The following HORMAD2 variants were observed in gnomAD, a reference collection of about 807,000 sequenced individuals.
The protein encoded by HORMAD2 is HORMA domain containing 2.
A neutral mutation model predicts 38.8 loss-of-function variants in HORMAD2; 45 were observed. That is an observed-to-expected ratio of 1.16 (90% CI 0.91 to 1.49). The LOEUF (loss-of-function observed/expected upper bound fraction) is 1.49. Ranked by LOEUF, HORMAD2 falls within the 40% of genes most tolerant of loss-of-function variation. The pLI, the probability that HORMAD2 is intolerant of heterozygous loss-of-function variation, is 0.00. For missense variants in HORMAD2, 338 were observed against 367.0 expected (o/e 0.92, Z 0.65); for synonymous variants, 126 against 122.8 (o/e 1.03, Z -0.17).
intron 1 of HORMAD2, among the ~76,000 whole-genome samples, chr22:30,091,128 T>G (rs2068673778): frequency 6.6e-6 from 1 of 152,214 alleles, no homozygotes; most frequent in Admixed American, 6.5e-5. Context: ...ATCATCTAGG[T>G]TAATCTCTGT....
chr22:30,178,596 C>T (rs185813943), downstream of HORMAD2, among the ~76,000 whole-genome samples: 5 of 152,272 alleles, frequency 3.3e-5, no homozygotes, highest in Admixed American at 1.3e-4. Context: ...TTTCTCTATT[C>T]ATTTTGGTTC....
chr22:30,105,803 G>T (rs1369060417), intron 5 of HORMAD2, among the ~76,000 whole-genome samples: 1 of 152,138 alleles, frequency 6.6e-6, no homozygotes, highest in Non-Finnish European at 1.5e-5. Context: ...CTACTTTTCT[G>T]AGACCTCATG....
rs1376624653 is a variant in HORMAD2, at chr22:30,121,745, C to T, written c.524C>T (p.Pro175Leu). The change falls in exon 9 of 11, where the codon CCT becomes CTT. Residue 175 changes from proline (P) to leucine (L), a missense_variant. Coordinates refer to ENST00000336726, the MANE Select transcript of HORMAD2 (RefSeq NM_152510.4). ...YILMQDLEPLPNNVVLTMKLH... is the reference protein window; with the variant it reads ...YILMQDLEPLLNNVVLTMKLH... ...CTGATGCAGGACCTTGAGCCACTTC[C>T]TAATAATGTTGTACTTACTATGAAA... 2.5e-6 allele frequency: 4 copies of T among 1,612,554 alleles called. No individual in the cohort carries two copies. The African/African-American group carries it at 5.3e-5, about 22-fold the overall frequency.
chr22:30,148,775 C>G lies in HORMAD2; in HGVS notation c.819+26561C>G, dbSNP rs531278562. Among the ~76,000 whole-genome samples, 8 of 152,206 alleles carry G rather than the reference C, an allele frequency of 5.3e-5. No individual in the cohort carries two copies. The East Asian group carries it at 1.4e-3, about 26-fold the overall frequency. On this transcript the variant is annotated intron_variant, in intron 10 of 10. Coordinates refer to ENST00000336726, the MANE Select transcript of HORMAD2 (RefSeq NM_152510.4). ...ATCCCAGCACTTTGGGAGGCCGAGA[C>G]GGGCAGATCACGAGGTCAGGAGATC...
At chr22:30,091,262 CTTTCTT>C (rs1236658825) in intron 1 of HORMAD2, among the ~76,000 whole-genome samples, 1,359 of 116,604 alleles carry the variant, frequency 0.012, 22 homozygotes, top group African/African-American at 0.057. Context: ...TTCTCTCTTT[CTTTCTT>C]TTTTTTTTTT....
At chr22:30,120,735 C>A (rs1394371177) in intron 8 of HORMAD2, among the ~76,000 whole-genome samples, 1 of 152,076 alleles carries the variant, frequency 6.6e-6, no homozygotes, top group Non-Finnish European at 1.5e-5. Flanking sequence ...AAATAGTTAT[C>A]CTGAGGATGA....
Position 30,103,432 on chromosome 22 carries a change from T to C in HORMAD2, c.194-5T>C, listed in dbSNP as rs1041992017. On this transcript the variant is annotated splice_polypyrimidine_tract_variant and splice_region_variant and intron_variant, in intron 3 of 10. Coordinates refer to ENST00000336726, the MANE Select transcript of HORMAD2 (RefSeq NM_152510.4). Reference sequence around the variant, plus strand: ...TAAAAATAGACTGTGTTTCTGTTTTTGTAGACCTCAGTTTAAAAATCCTCC... The same window carrying C: ...TAAAAATAGACTGTGTTTCTGTTTTCGTAGACCTCAGTTTAAAAATCCTCC... 8 of 1,518,454 alleles carry C rather than the reference T, an allele frequency of 5.3e-6. No individual in the cohort carries two copies. In the African/African-American group the frequency reaches 8.3e-5, roughly 16 times the overall value. The allele number at this position is 1,518,454 out of a possible 1,614,324, so 94.1% of individuals were successfully genotyped here.
intron 7 of HORMAD2, among the ~76,000 whole-genome samples, chr22:30,117,419 T>C (rs1389069004): frequency 1.3e-5 from 2 of 151,962 alleles, no homozygotes; most frequent in South Asian, 2.1e-4. Context: ...CTACTAGATG[T>C]TTATTTTATT....
chr22:30,148,795 G>A (rs1340361871), intron 10 of HORMAD2, among the ~76,000 whole-genome samples: 1 of 152,154 alleles, frequency 6.6e-6, no homozygotes, highest in Non-Finnish European at 1.5e-5. Flanking sequence ...ACGAGGTCAG[G>A]AGATCAAGAC....
chr22:30,173,269 A>G (rs1477954609), intron 10 of HORMAD2, among the ~76,000 whole-genome samples: 2 of 152,212 alleles, frequency 1.3e-5, no homozygotes, highest in Non-Finnish European at 1.5e-5. Flanking sequence ...CAGAAGAGCG[A>G]TGTGTCAGAT....
intron 1 of HORMAD2, among the ~76,000 whole-genome samples, chr22:30,089,888 A>G (rs903968680): frequency 5.3e-5 from 8 of 151,784 alleles, no homozygotes; most frequent in Non-Finnish European, 8.8e-5. Context: ...TATTCCTTCT[A>G]CCCCACCAGC....
downstream of HORMAD2, among the ~76,000 whole-genome samples, chr22:30,179,772 T>C (rs1926624370): frequency 6.6e-6 from 1 of 152,164 alleles, no homozygotes; most frequent in Admixed American, 6.5e-5. Context: ...GAGAAAGGGA[T>C]TGGCCAGCGT....
At chr22:30,150,281 C>G (rs1186406384) in intron 10 of HORMAD2, among the ~76,000 whole-genome samples, 1 of 152,026 alleles carries the variant, frequency 6.6e-6, no homozygotes, top group Non-Finnish European at 1.5e-5. Context: ...TTGACATAGT[C>G]CTACTCTTCT....
chr22:30,192,342 G>A, the HORMAD2 span: 1 of 152,402 alleles, frequency 6.6e-6, no homozygotes, highest in Admixed American at 6.5e-5. Flanking sequence ...ATTTTGAGCT[G>A]GATCTTGAGG....
chr22:30,111,203 AG>A (rs1314655589), intron 5 of HORMAD2, among the ~76,000 whole-genome samples: 1 of 150,848 alleles, frequency 6.6e-6, no homozygotes, highest in Non-Finnish European at 1.5e-5. Flanking sequence ...AAAATACTAC[AG>A]GCTGGGCACA....
intron 5 of HORMAD2, among the ~76,000 whole-genome samples, chr22:30,110,959 C>T (rs1165230354): frequency 6.6e-6 from 1 of 150,528 alleles, no homozygotes; most frequent in African/African-American, 2.4e-5. Flanking sequence ...AGATCGAGAC[C>T]ATCCTGGCCA....
At chr22:30,113,370 A>G (rs1218081243) in intron 7 of HORMAD2, among the ~76,000 whole-genome samples, 1 of 151,640 alleles carries the variant, frequency 6.6e-6, no homozygotes, top group Non-Finnish European at 1.5e-5. Context: ...ATGCACCACC[A>G]TGGCCGGCTA....
chr22:30,175,392 A>T (rs1348532073), intron 10 of HORMAD2, among the ~76,000 whole-genome samples: 2 of 147,304 alleles, frequency 1.4e-5, no homozygotes, highest in East Asian at 4.0e-4. Context: ...CTTTCCTCCC[A>T]TCTAGTGGCT....
chr22:30,118,316 C>T (rs1215281610), intron 7 of HORMAD2, among the ~76,000 whole-genome samples: 2 of 152,188 alleles, frequency 1.3e-5, no homozygotes, highest in East Asian at 1.9e-4. Context: ...AGAGCCTTTG[C>T]ATTGCTGTTC....
Sources: allele counts gnomAD v4.1 joint callset (sites outside exome capture counted in the v4.1 genomes callset), GRCh38; gene constraint gnomAD v4.1.1; transcripts MANE v1.5; gene names NCBI Gene and HGNC (gene_info 2026-07-23, HGNC 2026-07-21).